Variants in ITGA7 observed in about 807,000 individuals in gnomAD.
ITGA7 encodes the protein integrin subunit alpha 7, also known as integrin alpha-7.
ITGA7 carries 84 observed loss-of-function variants against 131.6 expected under a neutral mutation model. That is an observed-to-expected ratio of 0.64 (90% CI 0.54 to 0.77). The LOEUF is 0.77. Among genes scored for constraint, ITGA7 ranks in the 30% least tolerant of loss-of-function variants. The pLI, the probability that ITGA7 is intolerant of heterozygous loss-of-function variation, is 0.00. For missense variants in ITGA7, 1,399 were observed against 1,482.9 expected, an observed-to-expected ratio of 0.94 and a Z score of 0.93; for synonymous variants, 548 against 600.7, an observed-to-expected ratio of 0.91 and a Z score of 1.28.
Position 55,693,298 on chromosome 12 carries a change from G to T in ITGA7, c.2555C>A (p.Ser852Ter). The change falls in exon 20 of 25, where the codon TCG (serine) becomes TAG (stop). Residue 852 changes from serine to a stop codon, truncating the protein, a stop_gained. Transcript: ENST00000257879. LOFTEE classifies it high-confidence loss of function. ...YEVTVSNQGQ[S>*]LRTLGSAFLN... is the part of the protein sequence containing the mutation. Reference sequence around the variant, plus strand: ...GAAGGCAGAGCCCAGGGTTCTGAGCGACTGGCCTTGGTTGGAAACCTGTGG... The same window carrying T: ...GAAGGCAGAGCCCAGGGTTCTGAGCTACTGGCCTTGGTTGGAAACCTGTGG... 6.2e-7 allele frequency: 1 copy of T among 1,614,006 alleles called. No homozygotes were observed. Among genetic ancestry groups the T allele is most frequent in the South Asian group, 1.1e-5 (1 of 91,060 alleles).
chr12:55,701,302 C>T lies in ITGA7; in HGVS notation c.415-148G>A, dbSNP rs1395460261. On this transcript the variant is annotated intron_variant, in intron 3 of 24. Transcript: ENST00000257879. ...GCACACATACACACACACCCCTATG[C>T]CGGCACCACTCAAGCACCATTACCC... is the stretch of plus-strand genomic sequence containing the variant. 1.7e-5 allele frequency: 27 copies of T among 1,568,626 alleles called. No homozygotes were observed. The Admixed American group carries it at 4.7e-4, about 27-fold the overall frequency.
chr12:55,698,281 C>A, intron 7 of ITGA7, 102 bp downstream of exon 7: 1 of 1,118,996 alleles, frequency 8.9e-7, no homozygotes, highest in East Asian at 2.6e-5. Flanking sequence ...CAGGGACCCT[C>A]TCTCCCTGAG....
intron 3 of ITGA7, 112 bp from the exon 4 acceptor site, chr12:55,701,266 C>A: frequency 6.4e-7 from 1 of 1,553,158 alleles, no homozygotes; most frequent in Non-Finnish European, 8.9e-7. Context: ...TGCTCACATG[C>A]ACATGCACAT....
chr12:55,697,902 C>T lies in ITGA7; in HGVS notation c.1281+36G>A, dbSNP rs138493773. The T allele has an allele frequency of 2.8e-5, 45 of 1,614,064 alleles. 1 individual carries two copies. In the Middle Eastern group the frequency reaches 4.9e-4, roughly 18 times the overall value. On this transcript the variant is annotated intron_variant, in intron 8 of 24. Transcript: ENST00000257879. ...CCCCTGATGCCTCTGCTGATTCCAC[C>T]CACACCCATTCCCTCATCCCAGCGA... is the stretch of plus-strand genomic sequence containing the variant.
At chr12:55,705,438 G>A (rs1369034476) in intron 1 of ITGA7, among the ~76,000 whole-genome samples, 1 of 150,914 alleles carries the variant, frequency 6.6e-6, no homozygotes, top group South Asian at 2.1e-4. Flanking sequence ...TCAGCTAAGT[G>A]AAGACAAAGG....
chr12:55,701,888 C>T (rs1189232516), intron 3 of ITGA7, among the ~76,000 whole-genome samples: 1 of 152,214 alleles, frequency 6.6e-6, no homozygotes, highest in Non-Finnish European at 1.5e-5. Context: ...AGACTGGAGA[C>T]TAGACCACTC....
chr12:55,694,979 T>A lies in ITGA7; in HGVS notation c.2004-9A>T, dbSNP rs1432930404. ...TTGTTCCATCCACATCCCTGGAGAG[T>A]CAGACCCCACTCCTGCTAAGTTCTG... On this transcript the variant is annotated splice_polypyrimidine_tract_variant and intron_variant, in intron 14 of 24. Coordinates refer to ENST00000257879, the MANE Select transcript of ITGA7 (RefSeq NM_002206.3). This position sits in a 1 kb window ranked among gnomAD's most constrained non-coding sequence, Gnocchi z 5.3. 1 of 1,611,728 alleles carries A rather than the reference T, an allele frequency of 6.2e-7. No individual in the cohort carries two copies. Among genetic ancestry groups the A allele is most frequent in the South Asian group, 1.1e-5 (1 of 91,014 alleles).
At chr12:55,700,809 G>T in intron 4 of ITGA7, 90 bp downstream of exon 4, 1 of 1,525,360 alleles carries the variant, frequency 6.6e-7, no homozygotes, top group African/African-American at 1.4e-5. Context: ...TGCACATGTG[G>T]TCATGCTTGG....
Position 55,684,719 on chromosome 12 carries a change from C to T in ITGA7, c.*339G>A, listed in dbSNP as rs755126682. On this transcript the variant is annotated 3_prime_UTR_variant, in exon 25 of 25. Transcript: ENST00000257879. ...CTCCCCGACCCTCTAGGTTAAGGCA[C>T]TTCCGGGGAGGCAGGTCCTTGGGGT... 12 of 308,922 alleles carry T rather than the reference C, an allele frequency of 3.9e-5. No homozygotes were observed. The highest frequency in any genetic ancestry group is 2.3e-4 in the Admixed American group (5 of 21,964). The allele number at this position is 308,922 out of a possible 1,614,324, so 19.1% of individuals were successfully genotyped here. A position where few individuals can be genotyped will look rare whatever the true frequency, so the allele number is the denominator to read the frequency against.
chr12:55,697,284 G>A lies in ITGA7; in HGVS notation c.1506-7C>T. ...ACAGACCCTTAGGTCCACACTGCGG[G>A]GGCAAAGGTGGCTCCTGAGCCAAAC... On this transcript the variant is annotated splice_region_variant and splice_polypyrimidine_tract_variant and intron_variant, in intron 10 of 24. Coordinates refer to ENST00000257879, the MANE Select transcript of ITGA7 (RefSeq NM_002206.3). The A allele has an allele frequency of 6.3e-7, 1 of 1,590,716 alleles. No homozygotes were observed. The highest frequency in any genetic ancestry group is 8.6e-7 in the Non-Finnish European group (1 of 1,168,638).
chr12:55,701,920 GC>G, intron 3 of ITGA7, among the ~76,000 whole-genome samples: 1 of 152,260 alleles, frequency 6.6e-6, no homozygotes, highest in South Asian at 2.1e-4. Flanking sequence ...ACCAGATTCT[GC>G]CCCACAGTGA....
Position 55,697,765 on chromosome 12 carries a change from A to AGCT in ITGA7, c.1336_1338dup (p.Ser446dup), listed in dbSNP as rs763061281. Reference sequence around the variant, plus strand: ...GGGTATTGGTTCCCATCCATATCCAAGCTGCCTGACAGGGAGTAGCCGAAG... The same window carrying AGCT: ...GGGTATTGGTTCCCATCCATATCCAAGCTGCTGCCTGACAGGGAGTAGCCGAAG... On this transcript the variant is annotated inframe_insertion, in exon 9 of 25. Transcript: ENST00000257879. 1.3e-4 allele frequency: 212 copies of AGCT among 1,613,988 alleles called. No homozygotes were observed. The highest frequency in any genetic ancestry group is 1.8e-4 in the Non-Finnish European group (209 of 1,180,012).
At position 55,698,138 on chromosome 12, in the gene ITGA7, A is replaced by G. The variant is rs1873071095; in HGVS notation, c.1193-112T>C. ...ATGTTTTCTATTTTATTGAGAGGCT[A>G]CAAAATCCCAGGCACTCTACATACA... On this transcript the variant is annotated intron_variant, in intron 7 of 24. Coordinates refer to ENST00000257879, the MANE Select transcript of ITGA7 (RefSeq NM_002206.3). 4.7e-6 allele frequency: 5 copies of G among 1,063,864 alleles called. No homozygotes were observed. In the East Asian group the frequency reaches 7.3e-5, roughly 15 times the overall value. 65.9% of individuals were successfully genotyped at this position (1,063,864 alleles called of 1,614,324 possible). A position where few individuals can be genotyped will look rare whatever the true frequency, so the allele number is the denominator to read the frequency against.
chr12:55,688,402 G>A, intron 22 of ITGA7, 102 bp from the exon 23 acceptor site: 1 of 915,198 alleles, frequency 1.1e-6, no homozygotes, highest in South Asian at 1.4e-5. Context: ...CAACACAGAG[G>A]ATGTTTCTGC....
At chr12:55,705,968 C>G (rs1046354284) in intron 1 of ITGA7, among the ~76,000 whole-genome samples, 3 of 152,288 alleles carry the variant, frequency 2.0e-5, no homozygotes, top group Admixed American at 1.3e-4. Context: ...TCACATACCC[C>G]CCGCCCCCCA....
upstream of ITGA7, among the ~76,000 whole-genome samples, chr12:55,709,636 G>A (rs1297370734): frequency 6.6e-6 from 1 of 152,186 alleles, no homozygotes; most frequent in Non-Finnish European, 1.5e-5. Flanking sequence ...ATGCAGAATT[G>A]CAAAATTAGG....
chr12:55,694,099 G>A lies in ITGA7; in HGVS notation c.2457C>T (p.Phe819=). The A allele has an allele frequency of 6.2e-7, 1 of 1,614,236 alleles. No homozygotes were observed. Among genetic ancestry groups the A allele is most frequent in the South Asian group, 1.1e-5 (1 of 91,086 alleles). ...TCTCGCCCCTCACCACACCAGAGAA[G>A]AAGAGTTGCTGGGGAATGGCCATTC... ...IAGMAIPQQL[F]FSGVVRGERA... is the part of the protein sequence containing the mutation. Residue 819 remains phenylalanine, a synonymous_variant, in exon 19 of 25, where the codon TTC becomes TTT. Coordinates refer to ENST00000257879, the MANE Select transcript of ITGA7 (RefSeq NM_002206.3). This position sits in a 1 kb window ranked among gnomAD's most constrained non-coding sequence, Gnocchi z 5.3.
At chr12:55,703,529 T>C (rs1476702480) in intron 1 of ITGA7, among the ~76,000 whole-genome samples, 1 of 152,092 alleles carries the variant, frequency 6.6e-6, no homozygotes, top group African/African-American at 2.4e-5. Context: ...AGGCCTTCCC[T>C]ATCCCCTCCT....
rs1049220 is a variant in ITGA7, at chr12:55,698,823, G to A, written c.885C>T (p.Val295=). The A allele has an allele frequency of 1.2e-6, 2 of 1,614,022 alleles. No homozygotes were observed. Among genetic ancestry groups the A allele is most frequent in the Non-Finnish European group, 8.5e-7 (1 of 1,179,998 alleles). The stretch of plus-strand genomic sequence containing the variant: ...GACTGGCGCTGTCCTTGCGCAGGAT[G>A]ACCACAGCACCCTTGTGGTTGGCGC... ...APRANHKGAV[V]ILRKDSASRL... The change falls in exon 6 of 25, where the codon GTC becomes GTT. Residue 295 remains valine, a synonymous_variant. Coordinates refer to ENST00000257879, the MANE Select transcript of ITGA7 (RefSeq NM_002206.3).
Sources: allele counts gnomAD v4.1 joint callset (sites outside exome capture counted in the v4.1 genomes callset), GRCh38; gene constraint gnomAD v4.1.1; non-coding constraint Gnocchi (gnomAD v3.1); transcripts MANE v1.5; gene names NCBI Gene and HGNC (gene_info 2026-07-23, HGNC 2026-07-21).